The following IGF2R variants were observed in gnomAD, a reference collection of about 807,000 sequenced individuals.
IGF2R encodes the protein cation-independent mannose-6-phosphate receptor.
IGF2R carries 91 observed loss-of-function variants against 270.6 expected under a neutral mutation model. The observed-to-expected ratio is 0.34, with a 90% CI of 0.28 to 0.40. IGF2R has a LOEUF of 0.40. IGF2R is among the 10% of genes least tolerant of loss of function. The pLI is 1.00. For synonymous variants in IGF2R, 1,316 were observed against 1,258.9 expected, an observed-to-expected ratio of 1.05 and a Z score of -0.96; for missense variants, 2,805 against 3,188.3, an observed-to-expected ratio of 0.88 and a Z score of 2.90.
intron 4 of IGF2R, among the ~76,000 whole-genome samples, chr6:160,017,061 T>G (rs1777316893): frequency 6.6e-6 from 1 of 152,086 alleles, no homozygotes; most frequent in South Asian, 2.1e-4. Context: ...TTCAAAATAT[T>G]AATTTTAAAG....
At chr6:159,995,574 T>C (rs112795116) in intron 2 of IGF2R, among the ~76,000 whole-genome samples, 1 of 152,310 alleles carries the variant, frequency 6.6e-6, no homozygotes, top group African/African-American at 2.4e-5. Context: ...CAAACCTGTC[T>C]TTAAGCTATT....
At chr6:160,099,939 G>A (rs1779446122) in intron 45 of IGF2R, among the ~76,000 whole-genome samples, 1 of 152,202 alleles carries the variant, frequency 6.6e-6, no homozygotes, top group Non-Finnish European at 1.5e-5. Context: ...TTGTTTGGAA[G>A]ACATACTGTT....
Position 160,033,088 on chromosome 6 carries a change from T to C in IGF2R, c.1192T>C (p.Tyr398His). Residue 398 changes from tyrosine to histidine, a missense_variant, in exon 9 of 48, where the codon TAC becomes CAC. This residue lies in a region of IGF2R where 954 missense variants were observed against 981.1 expected (regional missense o/e 0.97). Transcript: ENST00000356956. ...CTCTCAAGTCAAAGCAGCAGGAAGA[T>C]ACCACAATCAGACCCTCCGGTACGT... is the stretch of plus-strand genomic sequence containing the variant. The part of the protein sequence containing the change: ...DTSQVKAAGR[Y>H]HNQTLRYSDG... 6.2e-7 allele frequency: 1 copy of C among 1,613,216 alleles called. No homozygotes were observed. Among genetic ancestry groups the C allele is most frequent in the Non-Finnish European group, 8.5e-7 (1 of 1,179,362 alleles).
At position 160,088,035 on chromosome 6, in the gene IGF2R, G is replaced by A; in HGVS notation, c.6208G>A (p.Asp2070Asn). ...VHTQKLGVIG[D>N]KVVVTYSKGY... ...GTTCAATCATTTGTGTGTTTCAGGTGACAAAGTTGTTGTCACGTACTCCAA... is the reference window on the plus strand; with the variant it reads ...GTTCAATCATTTGTGTGTTTCAGGTAACAAAGTTGTTGTCACGTACTCCAA... Residue 2070 changes from aspartate (D) to asparagine (N), a missense_variant and splice_region_variant, in exon 42 of 48, where the codon GAC (aspartate) becomes AAC (asparagine). By Grantham distance (23) the Asp-to-Asn change is conservative (BLOSUM62 1). This residue lies in a region of IGF2R where 1,851 missense variants were observed against 2,207.2 expected (regional missense o/e 0.84). Coordinates refer to ENST00000356956, the MANE Select transcript of IGF2R (RefSeq NM_000876.4). 1 of 1,595,208 alleles carries A rather than the reference G, an allele frequency of 6.3e-7. No homozygotes were observed. Among genetic ancestry groups the A allele is most frequent in the Middle Eastern group, 1.7e-4 (1 of 6,028 alleles).
chr6:160,049,799 T>C (rs914906261), intron 18 of IGF2R, among the ~76,000 whole-genome samples: 2 of 152,224 alleles, frequency 1.3e-5, no homozygotes, highest in African/African-American at 4.8e-5. Context: ...TTCAGATTTA[T>C]AATCTGTGTG....
chr6:160,025,582 T>TAC (rs1238936300), intron 5 of IGF2R, among the ~76,000 whole-genome samples: 2 of 152,222 alleles, frequency 1.3e-5, no homozygotes, highest in East Asian at 3.8e-4. Context: ...ATACATTATG[T>TAC]ACTATCTTGT....
At chr6:160,046,761 C>T (rs568263447) in intron 15 of IGF2R, 116 bp downstream of exon 15, 3 of 1,075,568 alleles carry the variant, frequency 2.8e-6, no homozygotes, top group African/African-American at 3.2e-5. Flanking sequence ...CATTTAAATA[C>T]TGATGAGACC....
At chr6:160,043,612 A>G (rs1777996543) in intron 12 of IGF2R, among the ~76,000 whole-genome samples, 1 of 152,212 alleles carries the variant, frequency 6.6e-6, no homozygotes, top group African/African-American at 2.4e-5. Context: ...ATTTTATTTT[A>G]TTTTTTAACA....
At chr6:160,038,773 T>C (rs975763621) in intron 10 of IGF2R, among the ~76,000 whole-genome samples, 3 of 152,016 alleles carry the variant, frequency 2.0e-5, no homozygotes, top group Non-Finnish European at 4.4e-5. Flanking sequence ...AGTGGCTTAG[T>C]GTACTTATTA....
At chr6:160,033,267 G>A (rs770765897) in intron 9 of IGF2R, among the ~76,000 whole-genome samples, 160 bp downstream of exon 9, 5 of 152,182 alleles carry the variant, frequency 3.3e-5, no homozygotes, top group Admixed American at 6.5e-5. Context: ...CTCCCGAGTA[G>A]CTGGGACTAC....
chr6:160,101,895 C>T (rs936589748), intron 45 of IGF2R, among the ~76,000 whole-genome samples: 16 of 152,174 alleles, frequency 1.1e-4, no homozygotes, highest in Admixed American at 5.2e-4. Flanking sequence ...TGGTGAACTC[C>T]GCTGGTGAGG....
At chr6:159,981,535 A>G (rs769565586) in intron 1 of IGF2R, among the ~76,000 whole-genome samples, 10 of 151,740 alleles carry the variant, frequency 6.6e-5, no homozygotes, top group South Asian at 2.1e-4. Flanking sequence ...AAGCAGTCCA[A>G]CTCTCTCTCT....
rs8191930 is a variant in IGF2R at position 160,090,217 on chromosome 6, C to T, written c.6655+114C>T. 2,780 of 703,126 alleles carry T rather than the reference C, an allele frequency of 4.0e-3. 71 individuals carry two copies. The African/African-American group carries it at 0.046, about 12-fold the overall frequency. The allele number at this position is 703,126 out of a possible 1,614,324, so 43.6% of individuals were successfully genotyped here. On this transcript the variant is annotated intron_variant, in intron 44 of 47. Coordinates refer to ENST00000356956, the MANE Select transcript of IGF2R (RefSeq NM_000876.4). Reference sequence around the variant, plus strand: ...CTCGGACCACTTTTAAAACAAAAACCTTGGTCTAATTCTTTACTTTGTTAT... The same window carrying T: ...CTCGGACCACTTTTAAAACAAAAACTTTGGTCTAATTCTTTACTTTGTTAT...
At chr6:160,040,057 A>G (rs1777910682) in intron 10 of IGF2R, among the ~76,000 whole-genome samples, 1 of 152,120 alleles carries the variant, frequency 6.6e-6, no homozygotes, top group Non-Finnish European at 1.5e-5. Flanking sequence ...CTGACTATAG[A>G]TGGCTTCCAC....
At chr6:160,092,734 A>T (rs1779254111) in intron 44 of IGF2R, among the ~76,000 whole-genome samples, 1 of 152,188 alleles carries the variant, frequency 6.6e-6, no homozygotes, top group African/African-American at 2.4e-5. Flanking sequence ...CCCAAGCGAG[A>T]ATGTGGGGCC....
intron 29 of IGF2R, among the ~76,000 whole-genome samples, chr6:160,067,985 A>T (rs1022770865): frequency 2.6e-5 from 4 of 151,774 alleles, no homozygotes; most frequent in African/African-American, 7.3e-5. Flanking sequence ...GTTAAAATTT[A>T]AATTTTTTTT....
In IGF2R at chr6:160,104,705, A is replaced by G; in HGVS notation, c.7097A>G (p.Glu2366Gly). 1.2e-6 allele frequency: 2 copies of G among 1,613,936 alleles called. No individual in the cohort carries two copies. The highest frequency in any genetic ancestry group is 1.7e-6 in the Non-Finnish European group (2 of 1,179,954). The change falls in exon 48 of 48, where the codon GAA (glutamate) becomes GGA (glycine). Residue 2366 changes from glutamate to glycine, a missense_variant. By Grantham distance (98) the Glu-to-Gly change is moderately conservative (BLOSUM62 -2). This residue lies in a region of IGF2R where 1,851 missense variants were observed against 2,207.2 expected (regional missense o/e 0.84). Coordinates refer to ENST00000356956, the MANE Select transcript of IGF2R (RefSeq NM_000876.4). The part of the protein sequence containing the change: ...VNKEEETDEN[E>G]TEWLMEEIQL... ...AAGGAAGAAGAGACAGATGAGAATG[A>G]AACAGAGTGGCTGATGGAAGAGATC...
intron 4 of IGF2R, among the ~76,000 whole-genome samples, chr6:160,019,779 C>G (rs1228082878): frequency 6.6e-6 from 1 of 152,046 alleles, no homozygotes; most frequent in Non-Finnish European, 1.5e-5. Flanking sequence ...GAAAAGACAA[C>G]ACTCAAAAAA....
rs1198891833 is a variant in IGF2R, at chr6:160,107,811, A to G, written c.*2727A>G. 1 of 152,262 alleles carries G rather than the reference A, an allele frequency of 6.6e-6. No individual in the cohort carries two copies. Among genetic ancestry groups the G allele is most frequent in the Non-Finnish European group, 1.5e-5 (1 of 68,042 alleles). The allele number at this position is 152,262 out of a possible 1,614,324, so 9.4% of individuals were successfully genotyped here. On this transcript the variant is annotated 3_prime_UTR_variant, in exon 48 of 48. Transcript: ENST00000356956. ...GATGATTCCTCAGGAAGGAACATAT[A>G]GACATACAGACAGGAGACAACATAT...
Sources: allele counts gnomAD v4.1 joint callset (sites outside exome capture counted in the v4.1 genomes callset), GRCh38; gene constraint gnomAD v4.1.1; regional missense constraint gnomAD v4.1.1; transcripts MANE v1.5; gene names NCBI Gene and HGNC (gene_info 2026-07-23, HGNC 2026-07-21).